Variants in MAP1A observed in about 807,000 individuals in gnomAD.
MAP1A encodes the protein microtubule associated protein 1A, also known as microtubule-associated protein 1A.
MAP1A carries 42 observed loss-of-function variants against 185.9 expected under a neutral mutation model. The ratio of observed to expected loss-of-function variants is 0.23; its 90% CI spans 0.18 to 0.29. MAP1A has a LOEUF of 0.29. Among genes scored for constraint, MAP1A ranks in the 10% least tolerant of loss-of-function variants. The pLI, the probability that MAP1A is intolerant of heterozygous loss-of-function variation, is 1.00. For missense variants in MAP1A, 2,995 were observed against 3,450.4 expected, an observed-to-expected ratio of 0.87 and a Z score of 3.31; for synonymous variants, 1,229 against 1,335.9, an observed-to-expected ratio of 0.92 and a Z score of 1.74.
chr15:43,517,840 G>A (rs2079303949), intron 1 of MAP1A, 140 bp downstream of exon 1: 1 of 170,350 alleles, frequency 5.9e-6, no homozygotes. Flanking sequence ...TGGGGAAATG[G>A]AGAGAGAAGA....
chr15:43,517,402 T>A (rs2079301487), upstream of MAP1A, among the ~76,000 whole-genome samples: 1 of 152,122 alleles, frequency 6.6e-6, no homozygotes, highest in Non-Finnish European at 1.5e-5. Flanking sequence ...AAAGGTCCTA[T>A]GGGCCATAGG....
intron 1 of MAP1A, chr15:43,512,086 C>A: frequency 4.2e-6 from 3 of 706,562 alleles, no homozygotes; most frequent in Non-Finnish European, 5.2e-6. Context: ...ATCCATATAC[C>A]CTCCCTCTCC....
rs2079358634 is a variant in MAP1A, at chr15:43,528,884, G to T, written c.7411G>T (p.Val2471Phe). Residue 2471 changes from valine to phenylalanine, a missense_variant, in exon 4 of 6, where the codon GTT (valine) becomes TTT (phenylalanine). This residue lies in a region of MAP1A where 2,728 missense variants were observed against 2,986.0 expected (regional missense o/e 0.91). Coordinates refer to ENST00000300231, the MANE Select transcript of MAP1A (RefSeq NM_002373.6). ...IDDRDLSTEE[V>F]RLVGRGGRRR... ...TGATAGGGACCTCTCAACTGAGGAA[G>T]TTCGGCTAGTAGGAAGAGGGGGGCG... 1 of 1,613,282 alleles carries T rather than the reference G, an allele frequency of 6.2e-7. No individual in the cohort carries two copies. The highest frequency in any genetic ancestry group is 1.3e-5 in the African/African-American group (1 of 74,910).
Position 43,524,743 on chromosome 15 carries a change from G to A in MAP1A, c.3270G>A (p.Leu1090=). The change falls in exon 4 of 6, where the codon CTG becomes CTA. Residue 1090 remains leucine, a synonymous_variant. Coordinates refer to ENST00000300231, the MANE Select transcript of MAP1A (RefSeq NM_002373.6). ...GGCTTACAGGCTGTACCATTCAACT[G>A]TTGCCAGCACAGGATAAAGCAATAG... ...DEGLTGCTIQ[L]LPAQDKAIVF... is the part of the protein sequence containing the mutation. 6.2e-7 allele frequency: 1 copy of A among 1,614,118 alleles called. No individual in the cohort carries two copies. The highest frequency in any genetic ancestry group is 8.5e-7 in the Non-Finnish European group (1 of 1,180,000).
chr15:43,529,436 A>C lies in MAP1A; in HGVS notation c.7963A>C (p.Thr2655Pro). ...PRPRSTTSQV[T>P]PAEEKDGHSP... ...ACCACGCAGCACCACAAGCCAGGTC[A>C]CCCCAGCAGAGGAAAAGGATGGACA... Residue 2655 changes from threonine (T) to proline (P), a missense_variant, in exon 4 of 6, where the codon ACC becomes CCC. Thr to Pro is a conservative substitution (Grantham distance 38). This residue lies in a region of MAP1A where 2,728 missense variants were observed against 2,986.0 expected (regional missense o/e 0.91). Coordinates refer to ENST00000300231, the MANE Select transcript of MAP1A (RefSeq NM_002373.6). The surrounding 1 kb of genome is among the most constrained non-coding windows in gnomAD (Gnocchi z 4.3). 6.2e-7 allele frequency: 1 copy of C among 1,613,776 alleles called. No individual in the cohort carries two copies.
chr15:43,523,992 C>G lies in MAP1A; in HGVS notation c.2519C>G (p.Ser840Cys). The G allele has an allele frequency of 6.2e-7, 1 of 1,614,102 alleles. No homozygotes were observed. Among genetic ancestry groups the G allele is most frequent in the Non-Finnish European group, 8.5e-7 (1 of 1,180,028 alleles). ...TSITECDKLS[S>C]FATSVAEDQS... ...ATCACTGAGTGTGACAAACTTTCTT[C>G]CTTTGCCACATCAGTGGCTGAGGAC... Residue 840 changes from serine (S) to cysteine (C), a missense_variant, in exon 4 of 6, where the codon TCC becomes TGC. Ser to Cys is a moderately radical substitution (Grantham distance 112, BLOSUM62 -1). This residue lies in a region of MAP1A where 2,728 missense variants were observed against 2,986.0 expected (regional missense o/e 0.91). Transcript: ENST00000300231.
At chr15:43,520,912 C>CA (rs1397729603) in intron 2 of MAP1A, 60 bp from the exon 3 acceptor site, 8 of 1,483,504 alleles carry the variant, frequency 5.4e-6, no homozygotes, top group Non-Finnish European at 2.7e-6. Flanking sequence ...ACTGAGGGGC[C>CA]ATTCATTGCC....
chr15:43,520,665 G>A lies in MAP1A; in HGVS notation c.-350G>A. On this transcript the variant is annotated 5_prime_UTR_variant, in exon 2 of 6. The change creates a new upstream start codon in the 5' untranslated region. Transcript: ENST00000300231. ...GGCCAGAGGACCCTTTGCCACCAGA[G>A]TGAGATCCTAGAGACCATCATCCTG... 1.3e-6 allele frequency: 2 copies of A among 1,549,694 alleles called. No homozygotes were observed. Among genetic ancestry groups the A allele is most frequent in the East Asian group, 2.4e-5 (1 of 40,910 alleles).
chr15:43,518,221 G>A (rs1315293397), intron 1 of MAP1A, among the ~76,000 whole-genome samples: 1 of 152,122 alleles, frequency 6.6e-6, no homozygotes, highest in Non-Finnish European at 1.5e-5. Context: ...GGGTCACTAA[G>A]ACGTGGCACG....
intron 1 of MAP1A, among the ~76,000 whole-genome samples, chr15:43,518,704 G>GCCC (rs1415845642): frequency 2.0e-4 from 21 of 104,378 alleles, no homozygotes; most frequent in African/African-American, 1.1e-3. Flanking sequence ...CTGCACCGCA[G>GCCC]CCCACCCCCC....
At position 43,529,180 on chromosome 15, in the gene MAP1A, C is replaced by T; in HGVS notation, c.7707C>T (p.Arg2569=). The part of the protein sequence containing the change: ...DPPPLPQPDP[R]PSPPRPDVCM... The stretch of plus-strand genomic sequence containing the variant: ...CTCCTCTCCCACAGCCAGACCCCCG[C>T]CCATCCCCTCCCCGCCCTGATGTGT... Residue 2569 remains arginine (R), a synonymous_variant, in exon 4 of 6, where the codon CGC becomes CGT. Coordinates refer to ENST00000300231, the MANE Select transcript of MAP1A (RefSeq NM_002373.6). This position sits in a 1 kb window ranked among gnomAD's most constrained non-coding sequence, Gnocchi z 4.3. 1.2e-6 allele frequency: 2 copies of T among 1,612,196 alleles called. No individual in the cohort carries two copies. Among genetic ancestry groups the T allele is most frequent in the Non-Finnish European group, 1.7e-6 (2 of 1,179,210 alleles).
chr15:43,511,777 T>C (rs1436222808), intron 1 of MAP1A, among the ~76,000 whole-genome samples: 1 of 152,082 alleles, frequency 6.6e-6, no homozygotes, highest in Non-Finnish European at 1.5e-5. Context: ...AAGCAAGCTG[T>C]GGAGGGCTGG....
In MAP1A at chr15:43,528,567, C is replaced by A; in HGVS notation, c.7094C>A (p.Thr2365Asn). ...EDCAANGPTE[T>N]SPNPPGPAPA... ...TGTGCAGCCAATGGCCCAACTGAAA[C>A]CAGCCCTAACCCCCCAGGCCCTGCC... The change falls in exon 4 of 6, where the codon ACC (threonine) becomes AAC (asparagine). Residue 2365 changes from threonine (T) to asparagine (N), a missense_variant. By Grantham distance (65) the Thr-to-Asn change is moderately conservative. This residue lies in a region of MAP1A where 2,728 missense variants were observed against 2,986.0 expected (regional missense o/e 0.91). Transcript: ENST00000300231. 1 of 1,613,784 alleles carries A rather than the reference C, an allele frequency of 6.2e-7. No homozygotes were observed.
rs766233755 is a variant in MAP1A, at chr15:43,522,212, A to G, written c.739A>G (p.Ile247Val). 11 of 1,614,196 alleles carry G rather than the reference A, an allele frequency of 6.8e-6. No homozygotes were observed. Among genetic ancestry groups the G allele is most frequent in the Admixed American group, 1.7e-5 (1 of 60,022 alleles). Residue 247 changes from isoleucine to valine, a missense_variant, in exon 4 of 6, where the codon ATC (isoleucine) becomes GTC (valine). Ile to Val is a conservative substitution (Grantham distance 29). Transcript: ENST00000300231. The surrounding 1 kb of genome is among the most constrained non-coding windows in gnomAD (Gnocchi z 5.9). ...AEISVPYLTSITALVVWLPAN... is the reference protein window; with the variant it reads ...AEISVPYLTSVTALVVWLPAN... ...GATCTCCGTGCCCTACCTTACCTCT[A>G]TCACTGCTCTGGTGGTCTGGCTACC...
chr15:43,511,130 G>A (rs2079274913), exon 1 of MAP1A: 1 of 1,550,462 alleles, frequency 6.4e-7, no homozygotes, highest in Non-Finnish European at 8.7e-7. Context: ...GGTGGCGGCT[G>A]CACGCTGGGA....
Position 43,522,836 on chromosome 15 carries a change from G to A in MAP1A, c.1363G>A (p.Glu455Lys), listed in dbSNP as rs2079325171. The change falls in exon 4 of 6, where the codon GAG becomes AAG. Residue 455 changes from glutamate to lysine, a missense_variant. Glu to Lys is a moderately conservative substitution (Grantham distance 56, BLOSUM62 1). This residue lies in a region of MAP1A where 2,728 missense variants were observed against 2,986.0 expected (regional missense o/e 0.91). Coordinates refer to ENST00000300231, the MANE Select transcript of MAP1A (RefSeq NM_002373.6). The surrounding 1 kb of genome is among the most constrained non-coding windows in gnomAD (Gnocchi z 5.9). ...KEEKRKDTKP[E>K]LKKISKPDLK... ...GGAGAAGAGGAAAGATACCAAACCTGAGCTCAAGAAGATTTCCAAGCCAGA... is the reference window on the plus strand; with the variant it reads ...GGAGAAGAGGAAAGATACCAAACCTAAGCTCAAGAAGATTTCCAAGCCAGA... The A allele has an allele frequency of 6.3e-7, 1 of 1,598,358 alleles. No individual in the cohort carries two copies. Among genetic ancestry groups the A allele is most frequent in the East Asian group, 2.2e-5 (1 of 44,574 alleles).
In MAP1A at chr15:43,529,949, T is replaced by C. The variant is rs2140212195; in HGVS notation, c.8256+79T>C. 1 of 1,560,308 alleles carries C rather than the reference T, an allele frequency of 6.4e-7. No individual in the cohort carries two copies. The highest frequency in any genetic ancestry group is 2.3e-5 in the East Asian group (1 of 44,434). On this transcript the variant is annotated intron_variant, in intron 5 of 5. Coordinates refer to ENST00000300231, the MANE Select transcript of MAP1A (RefSeq NM_002373.6). This position sits in a 1 kb window ranked among gnomAD's most constrained non-coding sequence, Gnocchi z 4.3. ...AGTAGTGGAACACAGTCCCTATTTA[T>C]TAAAGGATGGGCCTTTTCTAAGGGC...
rs1409642142 is a variant in MAP1A at position 43,530,376 on chromosome 15, G to A, written c.*152G>A. On this transcript the variant is annotated 3_prime_UTR_variant, in exon 6 of 6. Transcript: ENST00000300231. ...GACTTGGGCTGGGCTAAATGGGAGG[G>A]GTTGTCCCTCCCCATCATCCATTCC... 2.2e-6 allele frequency: 2 copies of A among 914,206 alleles called. No homozygotes were observed. The highest frequency in any genetic ancestry group is 3.3e-5 in the African/African-American group (2 of 59,870). The allele number at this position is 914,206 out of a possible 1,614,324, so 56.6% of individuals were successfully genotyped here.
Position 43,526,558 on chromosome 15 carries a change from A to C in MAP1A, c.5085A>C (p.Thr1695=). The C allele has an allele frequency of 6.2e-7, 1 of 1,614,176 alleles. No individual in the cohort carries two copies. The highest frequency in any genetic ancestry group is 8.5e-7 in the Non-Finnish European group (1 of 1,180,022). Residue 1695 remains threonine (T), a synonymous_variant, in exon 4 of 6, where the codon ACA becomes ACC. Transcript: ENST00000300231. The surrounding 1 kb of genome is among the most constrained non-coding windows in gnomAD (Gnocchi z 4.7). The stretch of plus-strand genomic sequence containing the variant: ...AGGATGTGGCCTTGGAACAGGACAC[A>C]TACTGGAGGGAGCTAAGCTGTGAGC... ...GREDVALEQD[T]YWRELSCERK...
Sources: gnomAD v4.1 joint callset for allele counts (sites outside exome capture counted in the v4.1 genomes callset) on GRCh38, gnomAD v4.1.1 for gene constraint, gnomAD v4.1.1 regional missense constraint, Gnocchi (gnomAD v3.1) non-coding constraint, MANE v1.5 for transcripts, NCBI Gene and HGNC (gene_info 2026-07-23, HGNC 2026-07-21) for gene names.